SLC12A2: variants seen among roughly 807,000 people sequenced by gnomAD.
SLC12A2 encodes solute carrier family 12 member 2, also known as Na-K-2Cl cotransporter 1.
SLC12A2 carries 67 observed loss-of-function variants against 136.3 expected under a neutral mutation model. That is an observed-to-expected ratio of 0.49 (90% CI 0.40 to 0.60). The LOEUF is 0.60. Among genes scored for constraint, SLC12A2 ranks in the 20% least tolerant of loss-of-function variants. SLC12A2 has a pLI of 0.00. For synonymous variants in SLC12A2, 619 were observed against 562.9 expected, an observed-to-expected ratio of 1.10 and a Z score of -1.41; for missense variants, 1,322 against 1,534.7, an observed-to-expected ratio of 0.86 and a Z score of 2.32.
Position 128,141,800 on chromosome 5 carries a change from A to G in SLC12A2, c.1622-30A>G, listed in dbSNP as rs756329312. 6 of 1,594,302 alleles carry G rather than the reference A, an allele frequency of 3.8e-6. No homozygotes were observed. The East Asian group carries it at 6.7e-5, about 18-fold the overall frequency. Reference sequence around the variant, plus strand: ...TCTGAAATGAATGTAGATATTAACTATATTATTCTTGTTGTCACTTGTGCT... The same window carrying G: ...TCTGAAATGAATGTAGATATTAACTGTATTATTCTTGTTGTCACTTGTGCT... On this transcript the variant is annotated intron_variant, in intron 9 of 26. Coordinates refer to ENST00000262461, the MANE Select transcript of SLC12A2 (RefSeq NM_001046.3).
intron 1 of SLC12A2, among the ~76,000 whole-genome samples, chr5:128,101,627 T>C (rs538286152): frequency 3.9e-4 from 59 of 152,336 alleles, no homozygotes; most frequent in African/African-American, 1.1e-3. Context: ...TTAACCATTA[T>C]TTAATTTGCT....
intron 4 of SLC12A2, among the ~76,000 whole-genome samples, chr5:128,116,216 G>A (rs1761344625): frequency 1.3e-5 from 2 of 152,052 alleles, no homozygotes; most frequent in Admixed American, 6.6e-5. Flanking sequence ...TAGGCTGTGA[G>A]CCTCAAAAGG....
At chr5:128,171,323 A>G (rs1252701422) in intron 18 of SLC12A2, among the ~76,000 whole-genome samples, 2 of 152,130 alleles carry the variant, frequency 1.3e-5, no homozygotes, top group Admixed American at 1.3e-4. Flanking sequence ...TTTTAATGGT[A>G]TAAGCCCAAA....
intron 15 of SLC12A2, among the ~76,000 whole-genome samples, chr5:128,156,258 A>C (rs1762866896): frequency 1.3e-5 from 2 of 151,832 alleles, no homozygotes; most frequent in African/African-American, 2.4e-5. Flanking sequence ...TCCAGATTTC[A>C]TTTTTTTCTG....
At chr5:128,151,126 C>T in intron 13 of SLC12A2, 115 bp from the exon 14 acceptor site, 1 of 827,056 alleles carries the variant, frequency 1.2e-6, no homozygotes, top group South Asian at 2.0e-5. Flanking sequence ...ATACTTAATG[C>T]TTAAAGTCCT....
intron 5 of SLC12A2, among the ~76,000 whole-genome samples, chr5:128,131,521 A>G (rs1762022303): frequency 6.8e-6 from 1 of 146,344 alleles, no homozygotes; most frequent in East Asian, 2.1e-4. Context: ...GTGAAACCCC[A>G]TCTCTACTAC....
At chr5:128,159,826 G>A (rs550702994) in intron 16 of SLC12A2, among the ~76,000 whole-genome samples, 36 of 152,282 alleles carry the variant, frequency 2.4e-4, no homozygotes, top group African/African-American at 7.2e-4. Flanking sequence ...GGAAGACAGC[G>A]TGGCGATTCC....
At chr5:128,182,454 C>T (rs1385394718) in intron 23 of SLC12A2, among the ~76,000 whole-genome samples, 1 of 152,036 alleles carries the variant, frequency 6.6e-6, no homozygotes, top group African/African-American at 2.4e-5. Context: ...CATATTTGGG[C>T]CCTGAGATAA....
At chr5:128,143,700 T>C (rs891771660) in intron 10 of SLC12A2, among the ~76,000 whole-genome samples, 1 of 151,986 alleles carries the variant, frequency 6.6e-6, no homozygotes, top group African/African-American at 2.4e-5. Flanking sequence ...TATTCTATTG[T>C]AAATTTATAG....
intron 20 of SLC12A2, among the ~76,000 whole-genome samples, chr5:128,175,574 T>C (rs1763513730): frequency 6.6e-6 from 1 of 151,890 alleles, no homozygotes; most frequent in Non-Finnish European, 1.5e-5. Context: ...AATTAATAGG[T>C]GAAGTTTAAT....
rs145910577 is a variant in SLC12A2, at chr5:128,126,311, C to A, written c.1049-4756C>A. The stretch of plus-strand genomic sequence containing the variant: ...AGAAGATATACAAATGGCAAGCAGG[C>A]ATATGAAAAGGCACTCAACATCACT... On this transcript the variant is annotated intron_variant, in intron 4 of 26. Coordinates refer to ENST00000262461, the MANE Select transcript of SLC12A2 (RefSeq NM_001046.3). Among the ~76,000 whole-genome samples the A allele has an allele frequency of 2.2e-4, 34 of 152,198 alleles. No homozygotes were observed. In the East Asian group the frequency reaches 5.8e-3, roughly 26 times the overall value.
chr5:128,084,463 G>C lies in SLC12A2; in HGVS notation c.509G>C (p.Ser170Thr), dbSNP rs752767193. Reference sequence around the variant, plus strand: ...GTCGGAGTCGACGGGCCCAACGTGAGCTTCCAGAACGGCGGGGACACGGTG... The same window carrying C: ...GTCGGAGTCGACGGGCCCAACGTGACCTTCCAGAACGGCGGGGACACGGTG... ...AGVGVDGPNV[S>T]FQNGGDTVLS... is the part of the protein sequence containing the mutation. The change falls in exon 1 of 27, where the codon AGC (serine) becomes ACC (threonine). Residue 170 changes from serine to threonine, a missense_variant. Physicochemically the swap from Ser to Thr is moderately conservative, Grantham distance 58 (BLOSUM62 1). Coordinates refer to ENST00000262461, the MANE Select transcript of SLC12A2 (RefSeq NM_001046.3). The surrounding 1 kb of genome is among the most constrained non-coding windows in gnomAD (Gnocchi z 5.6). The C allele has an allele frequency of 1.5e-5, 25 of 1,612,968 alleles. No homozygotes were observed. Among genetic ancestry groups the C allele is most frequent in the Non-Finnish European group, 2.1e-5 (25 of 1,179,748 alleles).
chr5:128,126,636 CT>C (rs1761805094), intron 4 of SLC12A2, among the ~76,000 whole-genome samples: 1 of 152,066 alleles, frequency 6.6e-6, no homozygotes, highest in African/African-American at 2.4e-5. Context: ...ATGGTTTTTA[CT>C]TTTTCTTTCA....
intron 14 of SLC12A2, 55 bp from the exon 15 acceptor site, chr5:128,152,651 A>T (rs1464637015): frequency 9.4e-7 from 1 of 1,062,622 alleles, no homozygotes; most frequent in Non-Finnish European, 1.5e-6. Flanking sequence ...CAGATTGGCT[A>T]TTGATTGGTT....
chr5:128,160,983 A>G (rs1448923545), intron 16 of SLC12A2, among the ~76,000 whole-genome samples: 1 of 152,146 alleles, frequency 6.6e-6, no homozygotes, highest in Non-Finnish European at 1.5e-5. Flanking sequence ...CCTTGAGCAT[A>G]AGACATTTAC....
At chr5:128,158,322 T>C (rs769553033) in intron 16 of SLC12A2, among the ~76,000 whole-genome samples, 158 bp downstream of exon 16, 4 of 152,152 alleles carry the variant, frequency 2.6e-5, no homozygotes, top group African/African-American at 9.7e-5. Context: ...TAGTACCCAA[T>C]AGGTAGTTTT....
intron 4 of SLC12A2, among the ~76,000 whole-genome samples, chr5:128,124,812 A>T (rs1490436158): frequency 6.6e-6 from 1 of 152,138 alleles, no homozygotes; most frequent in Non-Finnish European, 1.5e-5. Flanking sequence ...GGGGGTATTG[A>T]AAGTGCTAAC....
chr5:128,122,100 A>G (rs1761604724), intron 4 of SLC12A2, among the ~76,000 whole-genome samples: 1 of 152,228 alleles, frequency 6.6e-6, no homozygotes, highest in African/African-American at 2.4e-5. Flanking sequence ...AATACAAAGG[A>G]AAGTTTCCTC....
chr5:128,083,915 GTCCGCCGGGCTCTGCAGT>G lies in SLC12A2; in HGVS notation c.-30_-13del. 2 of 1,216,442 alleles carry G rather than the reference GTCCGCCGGGCTCTGCAGT, an allele frequency of 1.6e-6. No individual in the cohort carries two copies. The highest frequency in any genetic ancestry group is 2.0e-6 in the Non-Finnish European group (2 of 977,576). 75.4% of individuals were successfully genotyped at this position (1,216,442 alleles called of 1,614,324 possible). ...GTGTGGAGGGCGTGCTGCCGGAGAC[GTCCGCCGGGCTCTGCAGT>G]TCCGCCGGGGGTCGGGCAGCTATGG... On this transcript the variant is annotated 5_prime_UTR_variant, in exon 1 of 27. Transcript: ENST00000262461.
Sources: gnomAD v4.1 joint callset for allele counts (sites outside exome capture counted in the v4.1 genomes callset) on GRCh38, gnomAD v4.1.1 for gene constraint, Gnocchi (gnomAD v3.1) non-coding constraint, MANE v1.5 for transcripts, NCBI Gene and HGNC (gene_info 2026-07-23, HGNC 2026-07-21) for gene names.